The following GLIS3 variants were observed in gnomAD, a reference collection of about 807,000 sequenced individuals.
GLIS3 encodes zinc finger protein GLIS3.
A neutral mutation model predicts 78.6 loss-of-function variants in GLIS3; 53 were observed. That is an observed-to-expected ratio of 0.67 (90% CI 0.54 to 0.85). The LOEUF (loss-of-function observed/expected upper bound fraction) is 0.85. GLIS3 is among the 40% of genes least tolerant of loss of function. The pLI is 0.00. For missense variants in GLIS3, 1,703 were observed against 1,231.1 expected, an observed-to-expected ratio of 1.38 and a Z score of -5.74; for synonymous variants, 684 against 509.9, an observed-to-expected ratio of 1.34 and a Z score of -4.60.
At chr9:3,865,233 G>C (rs186989487) in intron 8 of GLIS3, among the ~76,000 whole-genome samples, 30 of 152,300 alleles carry the variant, frequency 2.0e-4, no homozygotes, top group African/African-American at 6.7e-4. Context: ...CTGGGTTTCT[G>C]CTCACCTCCA....
chr9:4,232,397 A>G (rs950782908), intron 2 of GLIS3, among the ~76,000 whole-genome samples: 32 of 150,362 alleles, frequency 2.1e-4, no homozygotes, highest in African/African-American at 5.8e-4. Context: ...AAAAAAAAAA[A>G]AAAAGAAAAG....
At chr9:4,269,036 G>A (rs1010987331) in intron 2 of GLIS3, among the ~76,000 whole-genome samples, 1 of 152,162 alleles carries the variant, frequency 6.6e-6, no homozygotes. Flanking sequence ...TCCCTGACTG[G>A]ATGCTGGCTA....
chr9:3,901,236 C>T (rs1000497270), intron 6 of GLIS3: 2 of 183,186 alleles, frequency 1.1e-5, no homozygotes, highest in African/African-American at 4.8e-5. Flanking sequence ...AATAAACAGC[C>T]TTGTTGCTCA....
intron 4 of GLIS3, among the ~76,000 whole-genome samples, chr9:4,044,470 T>C (rs965051320): frequency 2.6e-5 from 4 of 152,202 alleles, no homozygotes; most frequent in African/African-American, 4.8e-5. Context: ...TAATTTTCTG[T>C]TCCTGCTACT....
chr9:4,289,921 A>C (rs1457428795), intron 1 of GLIS3, among the ~76,000 whole-genome samples: 2 of 152,140 alleles, frequency 1.3e-5, no homozygotes, highest in Non-Finnish European at 2.9e-5. Context: ...AAGGCACAAA[A>C]CCATTTAGTA....
chr9:3,937,069 A>G lies in GLIS3; in HGVS notation c.1831T>C (p.Ser611Pro). The G allele has an allele frequency of 6.2e-7, 1 of 1,613,628 alleles. No homozygotes were observed. The highest frequency in any genetic ancestry group is 8.5e-7 in the Non-Finnish European group (1 of 1,180,020). Reference sequence around the variant, plus strand: ...CGCTGGTGTTTGGCGCGGTCACTGGAGTTACTGAAGGCCTTCTGACAACCC... The same window carrying G: ...CGCTGGTGTTTGGCGCGGTCACTGGGGTTACTGAAGGCCTTCTGACAACCC... Reference protein sequence around the residue: ...HPGCQKAFSNSSDRAKHQRTH... With the variant: ...HPGCQKAFSNPSDRAKHQRTH... The change falls in exon 5 of 11, where the codon TCC (serine) becomes CCC (proline). Residue 611 changes from serine to proline, a missense_variant. By Grantham distance (74) the Ser-to-Pro change is moderately conservative (BLOSUM62 -1). Coordinates refer to ENST00000381971, the MANE Select transcript of GLIS3 (RefSeq NM_001042413.2).
At chr9:3,922,921 T>C (rs183854988) in intron 6 of GLIS3, among the ~76,000 whole-genome samples, 124 of 152,292 alleles carry the variant, frequency 8.1e-4, no homozygotes, top group African/African-American at 2.8e-3. Context: ...AGGAAGTCAG[T>C]TGGAGTTAGG....
At chr9:3,923,121 G>C (rs1275388288) in intron 6 of GLIS3, among the ~76,000 whole-genome samples, 1 of 152,216 alleles carries the variant, frequency 6.6e-6, no homozygotes, top group Non-Finnish European at 1.5e-5. Flanking sequence ...CTTATCTAAA[G>C]ACTGTTGATT....
intron 2 of GLIS3, among the ~76,000 whole-genome samples, chr9:4,343,870 C>A (rs143074806): frequency 5.1e-3 from 780 of 152,142 alleles, no homozygotes; most frequent in Non-Finnish European, 7.8e-3. Flanking sequence ...ACATTGAGTA[C>A]ACATGGACTC....
chr9:4,023,692 C>T (rs1350049932), intron 4 of GLIS3, among the ~76,000 whole-genome samples: 3 of 152,324 alleles, frequency 2.0e-5, no homozygotes, highest in East Asian at 1.9e-4. Context: ...CAACACAGAG[C>T]TCATCCCACA....
At chr9:3,896,480 C>A (rs1158996271) in intron 7 of GLIS3, among the ~76,000 whole-genome samples, 2 of 151,630 alleles carry the variant, frequency 1.3e-5, no homozygotes, top group Non-Finnish European at 2.9e-5. Context: ...GCCTGGCCAA[C>A]ATGGTGAAAT....
intron 4 of GLIS3, among the ~76,000 whole-genome samples, chr9:3,951,358 T>C (rs934276795): frequency 2.0e-5 from 3 of 152,110 alleles, no homozygotes; most frequent in African/African-American, 7.2e-5. Flanking sequence ...CCACTTCTTT[T>C]TCTTCTGAAG....
At chr9:3,877,436 A>T (rs950487289) in intron 8 of GLIS3, among the ~76,000 whole-genome samples, 1 of 152,216 alleles carries the variant, frequency 6.6e-6, no homozygotes, top group African/African-American at 2.4e-5. Context: ...AAAGTCCAGC[A>T]TCTTCTGATT....
intron 2 of GLIS3, among the ~76,000 whole-genome samples, chr9:4,224,211 TCA>T (rs1364634734): frequency 2.0e-5 from 3 of 152,158 alleles, no homozygotes; most frequent in Non-Finnish European, 4.4e-5. Context: ...CCTATAGGGC[TCA>T]GTTTCCTCAT....
chr9:4,465,366 G>C, the GLIS3 span, among the ~76,000 whole-genome samples: 183 of 152,274 alleles, frequency 1.2e-3, 5 homozygotes, highest in East Asian at 0.032. Context: ...TGGCCAACGT[G>C]GTGAAACCAC....
At chr9:3,943,335 T>C (rs1355048327) in intron 4 of GLIS3, among the ~76,000 whole-genome samples, 4 of 152,246 alleles carry the variant, frequency 2.6e-5, no homozygotes, top group African/African-American at 9.6e-5. Context: ...CTGCTCCTTG[T>C]TTTGTTGGGA....
At chr9:4,230,483 G>C (rs540132204) in intron 2 of GLIS3, among the ~76,000 whole-genome samples, 1 of 152,250 alleles carries the variant, frequency 6.6e-6, no homozygotes, top group African/African-American at 2.4e-5. Flanking sequence ...AAAAGAAAGC[G>C]ATAGAAAATG....
rs180873114 is a variant in GLIS3 at position 4,066,630 on chromosome 9, C to G, written c.1710+51138G>C. Among the ~76,000 whole-genome samples, 206 of 152,330 alleles carry G rather than the reference C, an allele frequency of 1.4e-3. 1 individual carries two copies. The highest frequency in any genetic ancestry group is 6.2e-3 in the East Asian group (32 of 5,190). On this transcript the variant is annotated intron_variant, in intron 4 of 10. Coordinates refer to ENST00000381971, the MANE Select transcript of GLIS3 (RefSeq NM_001042413.2). ...CATCAGTTGTCAAATTATTGACTGT[C>G]AATTTCAATTCCACCCTTCTTTGTC... is the stretch of plus-strand genomic sequence containing the variant.
chr9:4,277,779 G>A lies in GLIS3; in HGVS notation c.388+8259C>T, dbSNP rs1827161750. Among the ~76,000 whole-genome samples, 3 of 152,182 alleles carry A rather than the reference G, an allele frequency of 2.0e-5. No homozygotes were observed. In the South Asian group the frequency reaches 6.2e-4, roughly 32 times the overall value. ...AAATATTTAAATAGTTGTGTCAAAT[G>A]TACTTAAAGTGGGGATCATAAAGCT... On this transcript the variant is annotated intron_variant, in intron 2 of 10. Coordinates refer to ENST00000381971, the MANE Select transcript of GLIS3 (RefSeq NM_001042413.2).
Sources: gnomAD v4.1 joint callset for allele counts (sites outside exome capture counted in the v4.1 genomes callset) on GRCh38, gnomAD v4.1.1 for gene constraint, MANE v1.5 for transcripts, NCBI Gene and HGNC (gene_info 2026-07-23, HGNC 2026-07-21) for gene names.